MAGI2: variants seen among roughly 807,000 people sequenced by gnomAD.
The protein encoded by MAGI2 is membrane associated guanylate kinase, WW and PDZ domain containing 2.
In MAGI2, 35 loss-of-function variants were observed where a neutral mutation model predicts 133.3. That is an observed-to-expected ratio of 0.26 (90% confidence interval 0.20 to 0.35). The LOEUF is 0.35. MAGI2 is among the 10% of genes least tolerant of loss of function. The pLI, the probability that MAGI2 is intolerant of heterozygous loss-of-function variation, is 1.00. For synonymous variants in MAGI2, 729 were observed against 710.6 expected (o/e 1.03, Z -0.41); for missense variants, 1,636 against 1,863.4 (o/e 0.88, Z 2.25).
intron 2 of MAGI2, among the ~76,000 whole-genome samples, chr7:78,848,820 C>A (rs576877700): frequency 6.6e-6 from 1 of 152,124 alleles, no homozygotes; most frequent in East Asian, 1.9e-4. Flanking sequence ...GTAATGTCAT[C>A]ATCCACGACC....
intron 9 of MAGI2, among the ~76,000 whole-genome samples, chr7:78,272,550 T>A (rs758970132): frequency 2.0e-5 from 3 of 152,156 alleles, no homozygotes; most frequent in Admixed American, 6.6e-5. Flanking sequence ...TGTTAAAGTC[T>A]CCCGTTATTA....
At chr7:78,129,751 C>T (rs1233986812) in intron 18 of MAGI2, among the ~76,000 whole-genome samples, 3 of 151,966 alleles carry the variant, frequency 2.0e-5, no homozygotes, top group Admixed American at 2.0e-4. Flanking sequence ...TCGAGACTAA[C>T]ATGGAGAAAC....
At chr7:78,161,322 T>G (rs1824953802) in intron 15 of MAGI2, among the ~76,000 whole-genome samples, 1 of 152,174 alleles carries the variant, frequency 6.6e-6, no homozygotes, top group African/African-American at 2.4e-5. Context: ...TACCTAGGTA[T>G]TGGCACTCTG....
chr7:78,358,937 T>C lies in MAGI2; in HGVS notation c.1103+10219A>G, dbSNP rs976949107. The C allele has an allele frequency of 1.3e-5, 2 of 153,118 alleles. 1 individual carries two copies. Among genetic ancestry groups the C allele is most frequent in the South Asian group, 4.1e-4 (2 of 4,894 alleles). 9.5% of individuals were successfully genotyped at this position (153,118 alleles called of 1,614,324 possible). On this transcript the variant is annotated intron_variant, in intron 7 of 21. Coordinates refer to ENST00000354212, the MANE Select transcript of MAGI2 (RefSeq NM_012301.4). ...GGCCTACCCTTCTGCCATTGCGACC[T>C]TGGGATATGGGGGAGCCTACCCTTC...
intron 1 of MAGI2, among the ~76,000 whole-genome samples, chr7:79,355,197 C>A (rs1307912255): frequency 1.3e-5 from 2 of 152,210 alleles, no homozygotes; most frequent in Non-Finnish European, 2.9e-5. Flanking sequence ...CTCTCCTGCC[C>A]AAGATCTGTC....
intron 1 of MAGI2, among the ~76,000 whole-genome samples, chr7:79,042,914 A>G (rs912408592): frequency 2.6e-5 from 4 of 152,132 alleles, no homozygotes; most frequent in African/African-American, 9.7e-5. Flanking sequence ...AAAAATAAAA[A>G]TCAATACCAA....
At chr7:78,285,858 T>A (rs1796097296) in intron 9 of MAGI2, 1 of 152,170 alleles carries the variant, frequency 6.6e-6, no homozygotes, top group African/African-American at 2.4e-5. Context: ...AGTTCATACT[T>A]GAGTTGGCAT....
At position 78,573,365 on chromosome 7, in the gene MAGI2, A is replaced by AAAATATATATATATATATAT. The variant is rs1320390413; in HGVS notation, c.539-51721_539-51720insATATATATATATATATATTT. 3.3e-3 allele frequency among the ~76,000 whole-genome samples: 96 copies of AAAATATATATATATATATAT among 29,024 alleles called. 4 individuals are homozygous for AAAATATATATATATATATAT. The highest frequency in any genetic ancestry group is 5.5e-3 in the African/African-American group (30 of 5,408). The allele number at this position is 29,024 out of a possible 152,430, so 19.0% of individuals were successfully genotyped here. On this transcript the variant is annotated intron_variant, in intron 3 of 21. Coordinates refer to ENST00000354212, the MANE Select transcript of MAGI2 (RefSeq NM_012301.4). ...ATATATAGAGAGAGAGAATCCTGGA[A>AAAATATATATATATATATAT]ATATATATATATATATATATATATA... is the stretch of plus-strand genomic sequence containing the variant.
At chr7:78,064,750 T>C (rs6944716) in intron 21 of MAGI2, among the ~76,000 whole-genome samples, 119,608 of 152,122 alleles carry the variant, frequency 0.79, 47,480 homozygotes, top group East Asian at 0.92. Flanking sequence ...TACATGCCAC[T>C]GCAGAATGTG....
intron 9 of MAGI2, among the ~76,000 whole-genome samples, chr7:78,264,785 T>C (rs1224935640): frequency 6.6e-6 from 1 of 152,188 alleles, no homozygotes; most frequent in Admixed American, 6.5e-5. Context: ...AGGTGCAGCT[T>C]TAAGAGTTCC....
At chr7:79,443,697 G>C (rs1260603826) in intron 1 of MAGI2, among the ~76,000 whole-genome samples, 3 of 152,118 alleles carry the variant, frequency 2.0e-5, no homozygotes, top group African/African-American at 7.2e-5. Flanking sequence ...TCTATTAAGT[G>C]ACAATGTAAA....
chr7:78,438,133 A>C (rs543029765), intron 6 of MAGI2, among the ~76,000 whole-genome samples: 3 of 152,298 alleles, frequency 2.0e-5, no homozygotes, highest in African/African-American at 7.2e-5. Context: ...AAGCAAACAG[A>C]TAACCACTGA....
At chr7:78,652,671 C>A (rs1334989660) in intron 2 of MAGI2, among the ~76,000 whole-genome samples, 1 of 152,108 alleles carries the variant, frequency 6.6e-6, no homozygotes, top group Non-Finnish European at 1.5e-5. Context: ...AGACCTAAAA[C>A]CATGAAAACC....
In MAGI2 at chr7:78,168,245, T is replaced by C. The variant is rs1825805564; in HGVS notation, c.2404-137A>G. ...GTCTCAGCTCACTGCAAGCTCTGCC[T>C]CCCAGGTTCACGCCATCTTTTTCCT... On this transcript the variant is annotated intron_variant, in intron 14 of 21. Transcript: ENST00000354212. 8.9e-6 allele frequency: 6 copies of C among 675,500 alleles called. No individual in the cohort carries two copies. In the Admixed American group the frequency reaches 1.7e-4, roughly 20 times the overall value. 41.8% of individuals were successfully genotyped at this position (675,500 alleles called of 1,614,324 possible).
intron 13 of MAGI2, among the ~76,000 whole-genome samples, chr7:78,181,609 G>A (rs1205503247): frequency 6.6e-6 from 1 of 152,160 alleles, no homozygotes; most frequent in African/African-American, 2.4e-5. Flanking sequence ...TGGGTCCTCG[G>A]ATCCTCAGGC....
intron 1 of MAGI2, among the ~76,000 whole-genome samples, chr7:79,281,853 T>C (rs1317139033): frequency 6.6e-6 from 1 of 152,178 alleles, no homozygotes; most frequent in Non-Finnish European, 1.5e-5. Context: ...TAGAGAATTG[T>C]CTAAATCTTG....
At chr7:78,372,123 T>A (rs1793980399) in intron 6 of MAGI2, among the ~76,000 whole-genome samples, 1 of 152,132 alleles carries the variant, frequency 6.6e-6, no homozygotes, top group Non-Finnish European at 1.5e-5. Context: ...TGTGTGTTTG[T>A]GTGTATTCTT....
intron 20 of MAGI2, among the ~76,000 whole-genome samples, chr7:78,118,915 G>A (rs1200270366): frequency 6.6e-6 from 1 of 152,210 alleles, no homozygotes; most frequent in African/African-American, 2.4e-5. Flanking sequence ...ATTGATAGCA[G>A]CTCTATTCAT....
At chr7:78,028,452 G>A (rs1809184806) in intron 21 of MAGI2, among the ~76,000 whole-genome samples, 1 of 152,214 alleles carries the variant, frequency 6.6e-6, no homozygotes, top group African/African-American at 2.4e-5. Context: ...AGGTGGGGCT[G>A]TTAACAATGG....
Sources: gnomAD v4.1 joint callset for allele counts (sites outside exome capture counted in the v4.1 genomes callset) on GRCh38, gnomAD v4.1.1 for gene constraint, MANE v1.5 for transcripts, NCBI Gene and HGNC (gene_info 2026-07-23, HGNC 2026-07-21) for gene names.